The following PTPRM variants were observed in gnomAD, a reference collection of about 807,000 sequenced individuals.
PTPRM encodes the protein protein tyrosine phosphatase receptor type M, also known as receptor-type tyrosine-protein phosphatase mu.
PTPRM carries 47 observed loss-of-function variants against 186.7 expected under a neutral mutation model. The observed-to-expected ratio is 0.25, with a 90% CI of 0.20 to 0.32. The LOEUF is 0.32. Ranked by LOEUF, PTPRM falls within the 10% of genes least tolerant of loss-of-function variation. The pLI is 1.00. For synonymous variants in PTPRM, 668 were observed against 674.9 expected (o/e 0.99, Z 0.16); for missense variants, 1,494 against 1,865.0 (o/e 0.80, Z 3.66).
chr18:8,191,294 G>A (rs1026939075), intron 14 of PTPRM, among the ~76,000 whole-genome samples: 12 of 152,020 alleles, frequency 7.9e-5, no homozygotes, highest in African/African-American at 2.2e-4. Context: ...AGAGATTGGC[G>A]GAACACAGAC....
intron 14 of PTPRM, among the ~76,000 whole-genome samples, chr18:8,240,499 G>GGGAGGAAGGAAGGA (rs1319637749): frequency 7.4e-5 from 1 of 13,550 alleles, no homozygotes; most frequent in Non-Finnish European, 1.3e-4. Flanking sequence ...GAGAGAGAGA[G>GGGAGGAAGGAAGGA]AGGAAGGAAG....
At chr18:7,778,644 T>C (rs890813250) in intron 2 of PTPRM, among the ~76,000 whole-genome samples, 6 of 151,964 alleles carry the variant, frequency 3.9e-5, no homozygotes, top group Non-Finnish European at 7.4e-5. Flanking sequence ...CACACCCAGC[T>C]AGTTTTTGTA....
At chr18:8,186,358 T>G (rs2093642459) in intron 14 of PTPRM, among the ~76,000 whole-genome samples, 1 of 151,854 alleles carries the variant, frequency 6.6e-6, no homozygotes, top group Non-Finnish European at 1.5e-5. Flanking sequence ...ATGAAAAGTA[T>G]TTTGTTTCTT....
chr18:8,131,093 A>G (rs531799248), intron 13 of PTPRM, among the ~76,000 whole-genome samples: 1 of 152,278 alleles, frequency 6.6e-6, no homozygotes, highest in Admixed American at 6.5e-5. Context: ...CTCAGTAATT[A>G]ATCCAGGCCA....
At chr18:7,788,267 A>G (rs2043181936) in intron 2 of PTPRM, among the ~76,000 whole-genome samples, 1 of 152,216 alleles carries the variant, frequency 6.6e-6, no homozygotes, top group South Asian at 2.1e-4. Context: ...TCTTTATACT[A>G]ATAAATGCCT....
intron 22 of PTPRM, among the ~76,000 whole-genome samples, chr18:8,326,797 T>C (rs624559): frequency 0.81 from 123,000 of 152,120 alleles, 51,087 homozygotes; most frequent in South Asian, 0.9. Flanking sequence ...CAAAAATCAA[T>C]TCAAGATGAA....
At chr18:7,754,150 A>G (rs899031776) in intron 1 of PTPRM, among the ~76,000 whole-genome samples, 1 of 152,186 alleles carries the variant, frequency 6.6e-6, no homozygotes, top group African/African-American at 2.4e-5. Context: ...GTCTTAGCCC[A>G]TGTTGTATGG....
chr18:8,007,364 G>C (rs2084254604), intron 7 of PTPRM, among the ~76,000 whole-genome samples: 1 of 152,034 alleles, frequency 6.6e-6, no homozygotes, highest in East Asian at 1.9e-4. Context: ...ATGTGGATCA[G>C]ATTGTGTCCC....
chr18:7,888,938 A>G (rs1267672215), intron 3 of PTPRM, among the ~76,000 whole-genome samples: 1 of 152,156 alleles, frequency 6.6e-6, no homozygotes, highest in African/African-American at 2.4e-5. Flanking sequence ...GGACATAAAG[A>G]TGGGAATAGT....
At chr18:8,308,412 C>A (rs1024876257) in intron 20 of PTPRM, among the ~76,000 whole-genome samples, 1 of 152,178 alleles carries the variant, frequency 6.6e-6, no homozygotes, top group Non-Finnish European at 1.5e-5. Flanking sequence ...AATATAAATG[C>A]AAGCCACATG....
intron 14 of PTPRM, among the ~76,000 whole-genome samples, chr18:8,197,099 C>T (rs982342161): frequency 2.0e-5 from 3 of 152,118 alleles, no homozygotes; most frequent in Non-Finnish European, 2.9e-5. Context: ...AGTTTATGCC[C>T]ATAAGAAATA....
chr18:8,057,425 C>CTTTTTTTTTTTTTTTTTTTTT (rs763829289), intron 7 of PTPRM, among the ~76,000 whole-genome samples: 10 of 102,558 alleles, frequency 9.8e-5, no homozygotes, highest in East Asian at 3.2e-4. Flanking sequence ...TGTGATACTT[C>CTTTTTTTTTTTTTTTTTTTTT]TTTTTTTTTT....
intron 13 of PTPRM, among the ~76,000 whole-genome samples, chr18:8,122,539 G>A (rs562113091): frequency 9.8e-5 from 15 of 152,292 alleles, no homozygotes; most frequent in South Asian, 2.1e-4. Context: ...TGTTTTCATT[G>A]TGTGTTTGGT....
chr18:7,718,870 G>A (rs951969769), intron 1 of PTPRM, among the ~76,000 whole-genome samples: 1 of 151,974 alleles, frequency 6.6e-6, no homozygotes, highest in Non-Finnish European at 1.5e-5. Flanking sequence ...TATAAGAATG[G>A]CCATAATTTA....
intron 1 of PTPRM, among the ~76,000 whole-genome samples, chr18:7,738,025 C>T (rs752146576): frequency 6.6e-6 from 1 of 152,110 alleles, no homozygotes; most frequent in Non-Finnish European, 1.5e-5. Flanking sequence ...ATGTTTTGCC[C>T]TTAGAGTGAT....
intron 2 of PTPRM, among the ~76,000 whole-genome samples, chr18:7,812,895 G>T (rs1195120735): frequency 2.0e-5 from 3 of 152,182 alleles, no homozygotes. Flanking sequence ...CAGAGGTGCT[G>T]GGTGGATCTT....
chr18:7,679,870 A>AG (rs2039439987), intron 1 of PTPRM, among the ~76,000 whole-genome samples: 2 of 151,860 alleles, frequency 1.3e-5, no homozygotes, highest in Admixed American at 1.3e-4. Context: ...GAAAAAAAAA[A>AG]TATTTTATTT....
At chr18:7,796,745 AAC>A (rs1312341550) in intron 2 of PTPRM, among the ~76,000 whole-genome samples, 1 of 152,144 alleles carries the variant, frequency 6.6e-6, no homozygotes, top group Non-Finnish European at 1.5e-5. Flanking sequence ...GTATCGCCAT[AAC>A]ACAATGCTTT....
chr18:8,305,803 C>T (rs928568898), intron 20 of PTPRM, among the ~76,000 whole-genome samples: 6 of 152,172 alleles, frequency 3.9e-5, no homozygotes, highest in Admixed American at 1.3e-4. Flanking sequence ...CTGCCCTGCT[C>T]TGCTGTTCCC....
Sources: allele counts gnomAD v4.1 joint callset (sites outside exome capture counted in the v4.1 genomes callset), GRCh38; gene constraint gnomAD v4.1.1; transcripts MANE v1.5; gene names NCBI Gene and HGNC (gene_info 2026-07-23, HGNC 2026-07-21).